The following TCERG1L variants were observed in gnomAD, a reference collection of about 807,000 sequenced individuals.
TCERG1L encodes the protein transcription elongation regulator 1-like protein.
Under a neutral mutation model 56.3 loss-of-function variants are expected in TCERG1L, and 37 were observed. That is an observed-to-expected ratio of 0.66 (90% CI 0.51 to 0.87). The LOEUF (loss-of-function observed/expected upper bound fraction) is 0.87, where lower values mean the gene tolerates loss of function less well. Among genes scored for constraint, TCERG1L ranks in the 40% least tolerant of loss-of-function variants. TCERG1L has a pLI of 0.00. For missense variants in TCERG1L, 799 were observed against 774.2 expected, an observed-to-expected ratio of 1.03 and a Z score of -0.38; for synonymous variants, 324 against 326.3, an observed-to-expected ratio of 0.99 and a Z score of 0.08.
rs1386259185 is a variant in TCERG1L, at chr10:131,138,894, CA to C, written c.1190-4447del. 3.3e-5 allele frequency among the ~76,000 whole-genome samples: 5 copies of C among 152,006 alleles called. No individual in the cohort carries two copies. In the South Asian group the frequency reaches 8.3e-4, roughly 25 times the overall value. The stretch of plus-strand genomic sequence containing the variant: ...AAATCAAGGACAACTTGTTCTATGG[CA>C]AAAAAATCGAAAGACCAGTAAAATA... On this transcript the variant is annotated intron_variant, in intron 7 of 11. Coordinates refer to ENST00000368642, the MANE Select transcript of TCERG1L (RefSeq NM_174937.4).
chr10:131,260,373 T>TGGC lies in TCERG1L; in HGVS notation c.739_741dup (p.Ala247dup). ...AGGTTCTCAGGGTCCACGGAGACCA[T>TGGC]GGCAGCGGCGGCGGCGGTGGCGATG... On this transcript the variant is annotated inframe_insertion, in exon 4 of 12. Coordinates refer to ENST00000368642, the MANE Select transcript of TCERG1L (RefSeq NM_174937.4). This position sits in a 1 kb window ranked among gnomAD's most constrained non-coding sequence, Gnocchi z 5.8. The TGGC allele has an allele frequency of 1.3e-6, 2 of 1,498,462 alleles. No individual in the cohort carries two copies. Among genetic ancestry groups the TGGC allele is most frequent in the Non-Finnish European group, 1.8e-6 (2 of 1,134,572 alleles). 92.8% of individuals were successfully genotyped at this position (1,498,462 alleles called of 1,614,324 possible).
intron 3 of TCERG1L, among the ~76,000 whole-genome samples, chr10:131,272,969 T>C (rs1445512714): frequency 2.0e-5 from 3 of 152,192 alleles, no homozygotes; most frequent in Non-Finnish European, 2.9e-5. Flanking sequence ...TTGAGGGTGA[T>C]CTGGCGCCTT....
Position 131,190,737 on chromosome 10 carries a change from T to A in TCERG1L, c.857-23852A>T, listed in dbSNP as rs1480780547. 1.4e-5 allele frequency among the ~76,000 whole-genome samples: 2 copies of A among 144,038 alleles called. 1 individual carries two copies. The highest frequency in any genetic ancestry group is 3.1e-5 in the Non-Finnish European group (2 of 65,350). The allele number at this position is 144,038 out of a possible 152,430, so 94.5% of individuals were successfully genotyped here. A position where few individuals can be genotyped will look rare whatever the true frequency, so the allele number is the denominator to read the frequency against. On this transcript the variant is annotated intron_variant, in intron 4 of 11. Coordinates refer to ENST00000368642, the MANE Select transcript of TCERG1L (RefSeq NM_174937.4). Reference sequence around the variant, plus strand: ...CTACTTCAAAATAATAAAAGCCATATGTGACAGACCCACAACCAAAATCAT... The same window carrying A: ...CTACTTCAAAATAATAAAAGCCATAAGTGACAGACCCACAACCAAAATCAT...
intron 3 of TCERG1L, among the ~76,000 whole-genome samples, chr10:131,277,456 G>A (rs1227314065): frequency 6.6e-6 from 1 of 152,226 alleles, no homozygotes; most frequent in East Asian, 1.9e-4. Context: ...GCCTGGCCTA[G>A]ACATGAGCCA....
chr10:131,156,708 T>C (rs574683344), intron 6 of TCERG1L, among the ~76,000 whole-genome samples: 8 of 152,152 alleles, frequency 5.3e-5, no homozygotes, highest in Non-Finnish European at 1.2e-4. Flanking sequence ...TGAAAATCCC[T>C]GTCCTGTTTT....
At chr10:131,098,516 A>C in intron 10 of TCERG1L, 92 bp from the exon 11 acceptor site, 1 of 1,443,338 alleles carries the variant, frequency 6.9e-7, no homozygotes, top group Middle Eastern at 2.4e-4. Flanking sequence ...AAGCAGCAAG[A>C]ATCTATGGCA....
At chr10:131,255,129 T>C (rs2133536957) in intron 4 of TCERG1L, among the ~76,000 whole-genome samples, 1 of 152,260 alleles carries the variant, frequency 6.6e-6, no homozygotes, top group Non-Finnish European at 1.5e-5. Flanking sequence ...AGATAGTGCT[T>C]CCAGCAGGAA....
chr10:131,251,324 A>C (rs558680869), intron 4 of TCERG1L, among the ~76,000 whole-genome samples: 932 of 61,676 alleles, frequency 0.015, 2 homozygotes, highest in Middle Eastern at 0.034. Context: ...CCCTCCTCCC[A>C]GCCCAGCTCA....
intron 4 of TCERG1L, among the ~76,000 whole-genome samples, chr10:131,229,944 G>A (rs867169533): frequency 2.6e-5 from 4 of 152,192 alleles, no homozygotes; most frequent in African/African-American, 9.7e-5. Flanking sequence ...CCCTTGTGTG[G>A]CATTGTACAA....
intron 4 of TCERG1L, among the ~76,000 whole-genome samples, chr10:131,219,216 C>T (rs1481577442): frequency 6.6e-6 from 1 of 152,210 alleles, no homozygotes; most frequent in African/African-American, 2.4e-5. Flanking sequence ...CCCCATGGGG[C>T]CCCTCCAGTA....
At chr10:131,249,930 G>A (rs1309664266) in intron 4 of TCERG1L, among the ~76,000 whole-genome samples, 1 of 152,208 alleles carries the variant, frequency 6.6e-6, no homozygotes, top group African/African-American at 2.4e-5. Flanking sequence ...TCTCCTCCCA[G>A]CAAAGAAAGC....
intron 8 of TCERG1L, among the ~76,000 whole-genome samples, chr10:131,129,075 A>G (rs1184186807): frequency 6.6e-6 from 1 of 152,234 alleles, no homozygotes; most frequent in African/African-American, 2.4e-5. Context: ...TGCTTCTTCA[A>G]AAACAAATGA....
intron 8 of TCERG1L, among the ~76,000 whole-genome samples, chr10:131,117,706 G>A (rs891283099): frequency 5.9e-5 from 9 of 152,278 alleles, no homozygotes; most frequent in Admixed American, 1.3e-4. Flanking sequence ...CGAACCACAC[G>A]GGCAGGGAGG....
intron 6 of TCERG1L, among the ~76,000 whole-genome samples, chr10:131,159,412 A>AC (rs1055241422): frequency 3.3e-5 from 5 of 151,860 alleles, no homozygotes; most frequent in African/African-American, 1.2e-4. Flanking sequence ...TCCTGCTGAG[A>AC]CCCCCTGTGG....
At chr10:131,242,003 A>T (rs1845979262) in intron 4 of TCERG1L, among the ~76,000 whole-genome samples, 1 of 152,196 alleles carries the variant, frequency 6.6e-6, no homozygotes, top group Non-Finnish European at 1.5e-5. Context: ...GTTGAGGGAA[A>T]ACAATTCAAA....
chr10:131,309,856 A>AAAAAAAAAAT (rs1846863973), intron 1 of TCERG1L, among the ~76,000 whole-genome samples: 1 of 150,016 alleles, frequency 6.7e-6, no homozygotes, highest in African/African-American at 2.4e-5. Context: ...AAAAAAAAAA[A>AAAAAAAAAAT]AAACTAAGCA....
In TCERG1L at chr10:131,310,605, T is replaced by C. The variant is rs1456984808; in HGVS notation, c.342+689A>G. Among the ~76,000 whole-genome samples the C allele has an allele frequency of 2.0e-5, 3 of 152,206 alleles. 1 individual carries two copies. Among genetic ancestry groups the C allele is most frequent in the Middle Eastern group, 3.2e-3 (1 of 316 alleles). Reference sequence around the variant, plus strand: ...CAGCCCGCCTAGCTCTGCTGCACCATTTATCAAAGGTTCAGTCACTTTTTC... The same window carrying C: ...CAGCCCGCCTAGCTCTGCTGCACCACTTATCAAAGGTTCAGTCACTTTTTC... On this transcript the variant is annotated intron_variant, in intron 1 of 11. Coordinates refer to ENST00000368642, the MANE Select transcript of TCERG1L (RefSeq NM_174937.4).
intron 9 of TCERG1L, 104 bp from the exon 10 acceptor site, chr10:131,104,458 C>A: frequency 2.7e-6 from 2 of 730,922 alleles, no homozygotes; most frequent in Non-Finnish European, 4.7e-6. Flanking sequence ...CAAAAACCAG[C>A]ATTAAAGTAC....
intron 3 of TCERG1L, among the ~76,000 whole-genome samples, chr10:131,301,142 T>C (rs1846758166): frequency 6.6e-6 from 1 of 152,020 alleles, no homozygotes; most frequent in African/African-American, 2.4e-5. Context: ...TACTCAGCAC[T>C]TGCAACTGGA....
Sources: gnomAD v4.1 joint callset for allele counts (sites outside exome capture counted in the v4.1 genomes callset) on GRCh38, gnomAD v4.1.1 for gene constraint, Gnocchi (gnomAD v3.1) non-coding constraint, MANE v1.5 for transcripts, NCBI Gene and HGNC (gene_info 2026-07-23, HGNC 2026-07-21) for gene names.